Variants in CPLX2 observed in about 807,000 individuals in gnomAD.
CPLX2 encodes complexin-2.
Under a neutral mutation model 16.3 loss-of-function variants are expected in CPLX2, and 5 were observed. The ratio of observed to expected loss-of-function variants is 0.31; its 90% CI spans 0.16 to 0.64. The LOEUF is 0.64. Ranked by LOEUF, CPLX2 falls within the 30% of genes least tolerant of loss-of-function variation. CPLX2 has a pLI of 0.79. For missense variants in CPLX2, 144 were observed against 181.4 expected (o/e 0.79, Z 1.18); for synonymous variants, 89 against 73.2 (o/e 1.22, Z -1.10).
chr5:175,852,672 T>A (rs1759180689), intron 2 of CPLX2, among the ~76,000 whole-genome samples: 1 of 152,186 alleles, frequency 6.6e-6, no homozygotes, highest in Non-Finnish European at 1.5e-5. Flanking sequence ...GTAACGCAGG[T>A]TCAACCTGGG....
upstream of CPLX2, chr5:175,871,413 G>C (rs1405094573): frequency 3.9e-5 from 1 of 25,932 alleles, no homozygotes; most frequent in Non-Finnish European, 1.1e-4. Context: ...AGAGAGAGGA[G>C]AGAGAGAGAG....
chr5:175,848,184 C>CG (rs1174007508), intron 2 of CPLX2, among the ~76,000 whole-genome samples: 2 of 151,366 alleles, frequency 1.3e-5, no homozygotes, highest in African/African-American at 2.4e-5. Context: ...CTGAGGGGGG[C>CG]GGGGGGCAGG....
rs1027818216 is a variant in CPLX2, at chr5:175,849,897, G to C, written c.-88-28755G>C. Among the ~76,000 whole-genome samples, 1 of 152,198 alleles carries C rather than the reference G, an allele frequency of 6.6e-6. No individual in the cohort carries two copies. The highest frequency in any genetic ancestry group is 1.9e-4 in the East Asian group (1 of 5,162). ...CCCTTCCTCAAATATTAATGGAATT[G>C]TCCCTTTGGGGGAACGACCGTGTGA... On this transcript the variant is annotated intron_variant, in intron 2 of 4. Transcript: ENST00000359546. The surrounding 1 kb of genome is among the most constrained non-coding windows in gnomAD (Gnocchi z 4.4).
At chr5:175,807,220 C>G (rs1758223623) in intron 1 of CPLX2, among the ~76,000 whole-genome samples, 1 of 152,218 alleles carries the variant, frequency 6.6e-6, no homozygotes, top group Admixed American at 6.5e-5. Context: ...TTTGATTCTC[C>G]CTGCCTCCTA....
At chr5:175,819,199 T>G (rs1256922769) in intron 2 of CPLX2, among the ~76,000 whole-genome samples, 2 of 152,118 alleles carry the variant, frequency 1.3e-5, no homozygotes, top group Admixed American at 1.3e-4. Context: ...AGCGCTGCCA[T>G]GAAGATTCTT....
chr5:175,819,233 T>G (rs1032443791), intron 2 of CPLX2, among the ~76,000 whole-genome samples: 1 of 152,192 alleles, frequency 6.6e-6, no homozygotes, highest in Non-Finnish European at 1.5e-5. Context: ...GAAAAACACA[T>G]GTACACATTT....
chr5:175,850,165 A>C (rs1759124570), intron 2 of CPLX2, among the ~76,000 whole-genome samples: 1 of 150,138 alleles, frequency 6.7e-6, no homozygotes, highest in Non-Finnish European at 1.5e-5. Flanking sequence ...TTTTTTTTTT[A>C]AGCAAATTAG....
chr5:175,883,869 A>T lies in CPLX2; in HGVS notation c.*3824A>T, dbSNP rs1176520883. 3 of 152,422 alleles carry T rather than the reference A, an allele frequency of 2.0e-5. No individual in the cohort carries two copies. Among genetic ancestry groups the T allele is most frequent in the Non-Finnish European group, 4.4e-5 (3 of 68,100 alleles). The allele number at this position is 152,422 out of a possible 1,614,324, so 9.4% of individuals were successfully genotyped here. A position where few individuals can be genotyped will look rare whatever the true frequency, so the allele number is the denominator to read the frequency against. On this transcript the variant is annotated 3_prime_UTR_variant, in exon 4 of 4. Coordinates refer to ENST00000393745, the MANE Select transcript of CPLX2 (RefSeq NM_001008220.2). ...TGTCATTGTTGCTCTGCTTCCTTTC[A>T]ATGTGTCAGTGCCTGGGGGGAGGGG...
At chr5:175,860,634 G>C (rs1373966129) in intron 2 of CPLX2, among the ~76,000 whole-genome samples, 1 of 151,038 alleles carries the variant, frequency 6.6e-6, no homozygotes, top group African/African-American at 2.4e-5. Flanking sequence ...AAGGAAGGAA[G>C]GAAGGAAGGG....
chr5:175,876,630 A>G (rs1240249423), intron 1 of CPLX2, among the ~76,000 whole-genome samples: 1 of 152,144 alleles, frequency 6.6e-6, no homozygotes, highest in Non-Finnish European at 1.5e-5. Flanking sequence ...TCCAGGAGAG[A>G]GACGTGTCAG....
chr5:175,807,456 T>C (rs1361308864), intron 1 of CPLX2, among the ~76,000 whole-genome samples: 1 of 152,194 alleles, frequency 6.6e-6, no homozygotes, highest in Non-Finnish European at 1.5e-5. Flanking sequence ...GAAGATGCCA[T>C]TTGCTCCCAG....
At chr5:175,852,838 C>T (rs1759183578) in intron 2 of CPLX2, among the ~76,000 whole-genome samples, 1 of 152,094 alleles carries the variant, frequency 6.6e-6, no homozygotes, top group Non-Finnish European at 1.5e-5. Context: ...TTTCCAAACC[C>T]AGGGAAGCAT....
chr5:175,865,945 T>G (rs1019148720), intron 2 of CPLX2, among the ~76,000 whole-genome samples: 1 of 152,212 alleles, frequency 6.6e-6, no homozygotes, highest in Non-Finnish European at 1.5e-5. Flanking sequence ...AGCCTATAAT[T>G]CTGTGATTCT....
chr5:175,810,110 C>T (rs1332906704), intron 2 of CPLX2, among the ~76,000 whole-genome samples: 1 of 152,200 alleles, frequency 6.6e-6, no homozygotes, highest in Non-Finnish European at 1.5e-5. Context: ...GGCCTCCCAT[C>T]ACAGGGCAGG....
chr5:175,867,753 G>A (rs1328800822), upstream of CPLX2, among the ~76,000 whole-genome samples: 1 of 151,662 alleles, frequency 6.6e-6, no homozygotes, highest in Non-Finnish European at 1.5e-5. Context: ...CAGCGCCTGT[G>A]TCACTGCACA....
chr5:175,838,084 C>G (rs1327367377), intron 2 of CPLX2, among the ~76,000 whole-genome samples: 1 of 152,064 alleles, frequency 6.6e-6, no homozygotes, highest in African/African-American at 2.4e-5. Context: ...CAACATTTAT[C>G]TAGAAATCAG....
At chr5:175,798,217 T>A (rs1758029282) in intron 1 of CPLX2, among the ~76,000 whole-genome samples, 1 of 152,154 alleles carries the variant, frequency 6.6e-6, no homozygotes, top group South Asian at 2.1e-4. Context: ...TAAAGAGGAA[T>A]GAGAAGATCA....
intron 1 of CPLX2, among the ~76,000 whole-genome samples, chr5:175,806,874 C>T (rs1016207963): frequency 1.3e-5 from 2 of 152,164 alleles, no homozygotes; most frequent in Non-Finnish European, 2.9e-5. Flanking sequence ...TACTTAGTTA[C>T]TCACGGGTTT....
intron 2 of CPLX2, among the ~76,000 whole-genome samples, chr5:175,839,366 A>C (rs1235441387): frequency 2.0e-5 from 3 of 151,694 alleles, no homozygotes; most frequent in Non-Finnish European, 4.4e-5. Context: ...GCTCACTGCA[A>C]CCTCCGTCTC....
Sources: allele counts gnomAD v4.1 joint callset (sites outside exome capture counted in the v4.1 genomes callset), GRCh38; gene constraint gnomAD v4.1.1; non-coding constraint Gnocchi (gnomAD v3.1); transcripts MANE v1.5; gene names NCBI Gene and HGNC (gene_info 2026-07-23, HGNC 2026-07-21).